MYO1E: variants seen among roughly 807,000 people sequenced by gnomAD.
MYO1E encodes the protein myosin IE.
A neutral mutation model predicts 151.1 loss-of-function variants in MYO1E; 68 were observed. The observed-to-expected ratio is 0.45, with a 90% CI of 0.37 to 0.55. The LOEUF is 0.55. MYO1E is among the 20% of genes least tolerant of loss of function. The pLI is 0.00. For synonymous variants in MYO1E, 601 were observed against 501.7 expected (o/e 1.20, Z -2.64); for missense variants, 1,363 against 1,389.3 (o/e 0.98, Z 0.30).
intron 3 of MYO1E, among the ~76,000 whole-genome samples, chr15:59,260,640 G>T (rs2080219320): frequency 6.6e-6 from 1 of 152,146 alleles, no homozygotes; most frequent in South Asian, 2.1e-4. Flanking sequence ...AATGGCTATG[G>T]AGCTGATTAT....
intron 24 of MYO1E, among the ~76,000 whole-genome samples, chr15:59,160,080 C>T (rs2140310029): frequency 6.6e-6 from 1 of 152,292 alleles, no homozygotes; most frequent in African/African-American, 2.4e-5. Flanking sequence ...AGGTAGTCCG[C>T]CTGCCTCGGC....
intron 3 of MYO1E, among the ~76,000 whole-genome samples, chr15:59,259,181 A>G (rs1034769041): frequency 6.6e-6 from 1 of 152,228 alleles, no homozygotes; most frequent in Admixed American, 6.5e-5. Context: ...ACCATTGTAA[A>G]AATGTACTTA....
intron 26 of MYO1E, among the ~76,000 whole-genome samples, chr15:59,153,297 C>T (rs1335435170): frequency 2.0e-5 from 3 of 152,210 alleles, no homozygotes; most frequent in Admixed American, 1.3e-4. Flanking sequence ...TGCAAGAAAG[C>T]ACAAAGAGGT....
At chr15:59,243,583 C>T (rs62002697) in intron 4 of MYO1E, among the ~76,000 whole-genome samples, 38,651 of 151,928 alleles carry the variant, frequency 0.25, 5,294 homozygotes, top group African/African-American at 0.35. Flanking sequence ...GCTCAGAGGA[C>T]GGTAAACCTT....
Position 59,372,672 on chromosome 15 carries a change from C to A in MYO1E, c.-172G>T. ...GAACCCAGAGGGGACTCCATCCAGGCGGGATTGGCGGTGCTAGGTGAGGGC... is the reference window on the plus strand; with the variant it reads ...GAACCCAGAGGGGACTCCATCCAGGAGGGATTGGCGGTGCTAGGTGAGGGC... On this transcript the variant is annotated 5_prime_UTR_variant, in exon 1 of 28. Coordinates refer to ENST00000288235, the MANE Select transcript of MYO1E (RefSeq NM_004998.4). 2 of 785,202 alleles carry A rather than the reference C, an allele frequency of 2.5e-6. No homozygotes were observed. The highest frequency in any genetic ancestry group is 3.9e-6 in the Non-Finnish European group (2 of 510,758). 48.6% of individuals were successfully genotyped at this position (785,202 alleles called of 1,614,324 possible). A position where few individuals can be genotyped will look rare whatever the true frequency, so the allele number is the denominator to read the frequency against.
rs1411748694 is a variant in MYO1E, at chr15:59,372,673, G to T, written c.-173C>A. ...AACCCAGAGGGGACTCCATCCAGGC[G>T]GGATTGGCGGTGCTAGGTGAGGGCG... is the stretch of plus-strand genomic sequence containing the variant. On this transcript the variant is annotated 5_prime_UTR_variant, in exon 1 of 28. Transcript: ENST00000288235. 8.9e-5 allele frequency: 70 copies of T among 787,252 alleles called. No homozygotes were observed. The highest frequency in any genetic ancestry group is 1.2e-4 in the Non-Finnish European group (64 of 512,436). 48.8% of individuals were successfully genotyped at this position (787,252 alleles called of 1,614,324 possible). A position where few individuals can be genotyped will look rare whatever the true frequency, so the allele number is the denominator to read the frequency against.
Position 59,276,752 on chromosome 15 carries a change from G to A in MYO1E, c.4-4303C>T, listed in dbSNP as rs1422059295. Among the ~76,000 whole-genome samples, 3 of 152,326 alleles carry A rather than the reference G, an allele frequency of 2.0e-5. No individual in the cohort carries two copies. The South Asian group carries it at 6.2e-4, about 32-fold the overall frequency. On this transcript the variant is annotated intron_variant, in intron 1 of 27. Coordinates refer to ENST00000288235, the MANE Select transcript of MYO1E (RefSeq NM_004998.4). ...CCTTGAGGCTGGGAACCTCAGATGG[G>A]TGATTCCCTGACTGATTTTTTCAAA... is the stretch of plus-strand genomic sequence containing the variant.
chr15:59,147,569 C>T (rs1385344057), intron 26 of MYO1E, among the ~76,000 whole-genome samples: 1 of 116,700 alleles, frequency 8.6e-6, no homozygotes, highest in Non-Finnish European at 1.6e-5. Context: ...TGCACTCCAG[C>T]CTGGGTGACA....
At chr15:59,143,216 T>G (rs1464899456) in intron 26 of MYO1E, among the ~76,000 whole-genome samples, 1 of 152,202 alleles carries the variant, frequency 6.6e-6, no homozygotes, top group Admixed American at 6.5e-5. Flanking sequence ...GCTGGCAGTG[T>G]AAGCCATTTG....
chr15:59,180,523 C>A (rs2079652047), intron 18 of MYO1E, among the ~76,000 whole-genome samples: 1 of 151,486 alleles, frequency 6.6e-6, no homozygotes. Context: ...TTTTTTCCTA[C>A]AAAATTAATG....
intron 7 of MYO1E, among the ~76,000 whole-genome samples, chr15:59,225,379 T>C (rs28663148): frequency 0.23 from 35,286 of 152,104 alleles, 4,853 homozygotes; most frequent in African/African-American, 0.39. Flanking sequence ...ACAGCCTTTT[T>C]TTTGGCCCCC....
intron 5 of MYO1E, 37 bp from the exon 6 acceptor site, chr15:59,231,828 G>C: frequency 1.9e-6 from 3 of 1,592,646 alleles, no homozygotes; most frequent in South Asian, 2.2e-5. Flanking sequence ...AGGAAGGTGT[G>C]AACACCTACC....
chr15:59,299,020 G>C (rs2080467417), intron 1 of MYO1E, among the ~76,000 whole-genome samples: 1 of 152,114 alleles, frequency 6.6e-6, no homozygotes, highest in African/African-American at 2.4e-5. Flanking sequence ...AAAAAGCCTG[G>C]TCTCTATGGC....
intron 4 of MYO1E, among the ~76,000 whole-genome samples, chr15:59,255,520 T>C (rs1014942427): frequency 6.6e-6 from 1 of 152,140 alleles, no homozygotes; most frequent in African/African-American, 2.4e-5. Flanking sequence ...TCAGTCTCCC[T>C]AGTATCTGGG....
chr15:59,188,028 C>T lies in MYO1E; in HGVS notation c.1904+90G>A, dbSNP rs1596357374. 1.1e-5 allele frequency: 11 copies of T among 968,410 alleles called. No homozygotes were observed. In the East Asian group the frequency reaches 2.6e-4, roughly 23 times the overall value. The allele number at this position is 968,410 out of a possible 1,614,324, so 60.0% of individuals were successfully genotyped here. A position where few individuals can be genotyped will look rare whatever the true frequency, so the allele number is the denominator to read the frequency against. On this transcript the variant is annotated intron_variant, in intron 18 of 27. Coordinates refer to ENST00000288235, the MANE Select transcript of MYO1E (RefSeq NM_004998.4). ...CTGTGAATACGTTAAAAGCCATTGACTCGTACGCTTGAAGTGGGTGAATTG... is the reference window on the plus strand; with the variant it reads ...CTGTGAATACGTTAAAAGCCATTGATTCGTACGCTTGAAGTGGGTGAATTG...
intron 1 of MYO1E, among the ~76,000 whole-genome samples, chr15:59,307,141 T>C (rs2080519467): frequency 6.6e-6 from 1 of 152,228 alleles, no homozygotes. Flanking sequence ...TTCCAGCTTT[T>C]ATTTAACTGA....
At chr15:59,352,285 C>T (rs896291702) in intron 1 of MYO1E, among the ~76,000 whole-genome samples, 2 of 152,168 alleles carry the variant, frequency 1.3e-5, no homozygotes, top group Non-Finnish European at 2.9e-5. Context: ...ATATTTGGCA[C>T]GTCCCTAACC....
chr15:59,163,343 G>A (rs372275649), intron 22 of MYO1E, 40 bp from the exon 23 acceptor site: 1 of 1,598,148 alleles, frequency 6.3e-7, no homozygotes, highest in Admixed American at 1.7e-5. Context: ...TGAAAGCTGT[G>A]CTTCTGTTTA....
chr15:59,244,467 T>C (rs1203724956), intron 4 of MYO1E, among the ~76,000 whole-genome samples: 3 of 152,340 alleles, frequency 2.0e-5, no homozygotes, highest in African/African-American at 7.2e-5. Context: ...TCCCAATTTA[T>C]AGATGAAGTA....
Sources: gnomAD v4.1 joint callset for allele counts (sites outside exome capture counted in the v4.1 genomes callset) on GRCh38, gnomAD v4.1.1 for gene constraint, MANE v1.5 for transcripts, NCBI Gene and HGNC (gene_info 2026-07-23, HGNC 2026-07-21) for gene names.